USP32: variants seen among roughly 807,000 people sequenced by gnomAD.
USP32 encodes ubiquitin specific peptidase 32.
A neutral mutation model predicts 204.8 loss-of-function variants in USP32; 59 were observed. The ratio of observed to expected loss-of-function variants is 0.29; its 90% CI spans 0.23 to 0.36. The LOEUF (loss-of-function observed/expected upper bound fraction) is 0.36. Among genes scored for constraint, USP32 ranks in the 10% least tolerant of loss-of-function variants. The probability of loss-of-function intolerance (pLI) is 1.00; values close to 1 mark genes in which losing one functional copy is unlikely to be tolerated. For synonymous variants in USP32, 517 were observed against 678.4 expected (o/e 0.76, Z 3.70); for missense variants, 1,160 against 1,946.4 (o/e 0.60, Z 7.60).
chr17:60,359,309 G>A (rs1029194879), intron 1 of USP32, among the ~76,000 whole-genome samples: 1 of 152,016 alleles, frequency 6.6e-6, no homozygotes, highest in Admixed American at 6.6e-5. Flanking sequence ...TCTCCCCTCT[G>A]CTCTTTAAGA....
intron 1 of USP32, among the ~76,000 whole-genome samples, chr17:60,388,926 C>T (rs1480700165): frequency 1.3e-5 from 2 of 152,164 alleles, no homozygotes; most frequent in Non-Finnish European, 1.5e-5. Context: ...GTTTCCAAGG[C>T]CCCGCTTTGC....
intron 4 of USP32, among the ~76,000 whole-genome samples, chr17:60,293,790 A>T (rs1392958932): frequency 1.3e-5 from 2 of 152,180 alleles, no homozygotes; most frequent in Non-Finnish European, 2.9e-5. Context: ...AAAACAAAGA[A>T]CAATGGAGGA....
At chr17:60,339,200 C>T (rs779208361) in intron 2 of USP32, among the ~76,000 whole-genome samples, 26 of 152,072 alleles carry the variant, frequency 1.7e-4, no homozygotes, top group Non-Finnish European at 3.1e-4. Context: ...CATGAGCCAC[C>T]GCGCCCAGCC....
chr17:60,236,088 C>T (rs556012379), intron 12 of USP32, 50 bp downstream of exon 12: 32 of 1,469,464 alleles, frequency 2.2e-5, no homozygotes, highest in East Asian at 6.8e-5. Flanking sequence ...GGAAGTCTCA[C>T]GCAGCTGAAA....
At chr17:60,225,966 A>AAAAG (rs1555592790) in intron 13 of USP32, 73 bp downstream of exon 13, 5 of 1,436,502 alleles carry the variant, frequency 3.5e-6, no homozygotes, top group Non-Finnish European at 4.6e-6. Context: ...AAAAAAAAAA[A>AAAAG]AAAAGAAAAG....
chr17:60,286,311 C>A (rs188413358), intron 5 of USP32, among the ~76,000 whole-genome samples: 1 of 152,124 alleles, frequency 6.6e-6, no homozygotes, highest in East Asian at 1.9e-4. Context: ...AGGGTCTTTG[C>A]GGATGTAATG....
chr17:60,395,778 C>G (rs1316232387), upstream of USP32, among the ~76,000 whole-genome samples: 1 of 152,132 alleles, frequency 6.6e-6, no homozygotes, highest in Non-Finnish European at 1.5e-5. Context: ...TCCAGTTGGG[C>G]AACAGAAATG....
rs577460773 is a variant in USP32 at position 60,289,734 on chromosome 17, C to T, written c.412-1052G>A. Among the ~76,000 whole-genome samples the T allele has an allele frequency of 7.2e-5, 11 of 151,762 alleles. No individual in the cohort carries two copies. The South Asian group carries it at 2.1e-3, about 29-fold the overall frequency. On this transcript the variant is annotated intron_variant, in intron 4 of 33. Coordinates refer to ENST00000300896, the MANE Select transcript of USP32 (RefSeq NM_032582.4). The stretch of plus-strand genomic sequence containing the variant: ...AGCAGAAAAAGGGAGAAGCAATTCA[C>T]AAGGAAATACAATGAAGCTACAACC...
intron 11 of USP32, among the ~76,000 whole-genome samples, chr17:60,243,852 A>G (rs550326223): frequency 6.6e-6 from 1 of 152,188 alleles, no homozygotes; most frequent in Admixed American, 6.5e-5. Context: ...ATCATCATTT[A>G]TCATAATAAA....
At chr17:60,384,699 G>A (rs1306744070) in intron 1 of USP32, among the ~76,000 whole-genome samples, 1 of 152,054 alleles carries the variant, frequency 6.6e-6, no homozygotes, top group African/African-American at 2.4e-5. Context: ...GGCTGAGGCA[G>A]GAGAATTGCT....
intron 2 of USP32, among the ~76,000 whole-genome samples, chr17:60,314,280 T>C (rs1351734318): frequency 1.3e-5 from 2 of 151,868 alleles, no homozygotes; most frequent in Non-Finnish European, 2.9e-5. Context: ...TAGCTGGGGC[T>C]ACAGGTGTAT....
At chr17:60,357,470 T>C (rs1246531462) in intron 1 of USP32, among the ~76,000 whole-genome samples, 4 of 151,588 alleles carry the variant, frequency 2.6e-5, no homozygotes, top group African/African-American at 9.7e-5. Flanking sequence ...TAAAAATAAA[T>C]ATATATATGA....
At chr17:60,197,057 T>C (rs1230639134) in intron 27 of USP32, among the ~76,000 whole-genome samples, 1 of 151,838 alleles carries the variant, frequency 6.6e-6, no homozygotes, top group Non-Finnish European at 1.5e-5. Flanking sequence ...TACGAGCATC[T>C]GTAATCCCAG....
intron 1 of USP32, among the ~76,000 whole-genome samples, chr17:60,369,823 G>A (rs1374074954): frequency 6.6e-6 from 1 of 151,608 alleles, no homozygotes; most frequent in Non-Finnish European, 1.5e-5. Flanking sequence ...CTGCAGACTT[G>A]AACTCCCTGG....
intron 1 of USP32, among the ~76,000 whole-genome samples, chr17:60,403,978 C>T (rs541584284): frequency 8.0e-5 from 12 of 150,762 alleles, no homozygotes; most frequent in African/African-American, 2.7e-4. Flanking sequence ...GAGTCAAGGC[C>T]GCAGTGAGCC....
chr17:60,190,508 T>C, intron 29 of USP32, 55 bp downstream of exon 29: 2 of 1,502,772 alleles, frequency 1.3e-6, no homozygotes, highest in Admixed American at 2.5e-5. Context: ...ATAGTTACAC[T>C]GGTGGAAATT....
Position 60,207,059 on chromosome 17 carries a change from G to A in USP32, c.2999C>T (p.Pro1000Leu). Residue 1000 changes from proline to leucine, a missense_variant, in exon 25 of 34, where the codon CCT becomes CTT. Pro to Leu is a moderately conservative substitution (Grantham distance 98). Coordinates refer to ENST00000300896, the MANE Select transcript of USP32 (RefSeq NM_032582.4). ...ACTAGAAGCTGAAATTGGAGACACA[G>A]GGACAGGAATTTCAAATGCACACAA... ...GFLCAFEIPVPVSPISASSPT... is the reference protein window; with the variant it reads ...GFLCAFEIPVLVSPISASSPT... The A allele has an allele frequency of 6.2e-7, 1 of 1,613,162 alleles. No individual in the cohort carries two copies. Among genetic ancestry groups the A allele is most frequent in the Non-Finnish European group, 8.5e-7 (1 of 1,179,396 alleles).
chr17:60,217,048 T>G (rs926448334), intron 16 of USP32, among the ~76,000 whole-genome samples: 1 of 152,214 alleles, frequency 6.6e-6, no homozygotes, highest in Non-Finnish European at 1.5e-5. Context: ...TTCAGAAGCA[T>G]ATAAGTATAG....
intron 1 of USP32, among the ~76,000 whole-genome samples, chr17:60,398,063 T>C (rs914783681): frequency 3.9e-5 from 6 of 152,176 alleles, no homozygotes; most frequent in African/African-American, 1.4e-4. Context: ...AAATAGCATT[T>C]AGTTAAAATT....
Sources: gnomAD v4.1 joint callset for allele counts (sites outside exome capture counted in the v4.1 genomes callset) on GRCh38, gnomAD v4.1.1 for gene constraint, MANE v1.5 for transcripts, NCBI Gene and HGNC (gene_info 2026-07-23, HGNC 2026-07-21) for gene names.